LPIN1: variants seen among roughly 807,000 people sequenced by gnomAD.
The protein encoded by LPIN1 is phosphatidate phosphatase LPIN1.
LPIN1 carries 71 observed loss-of-function variants against 107.5 expected under a neutral mutation model. The ratio of observed to expected loss-of-function variants is 0.66; its 90% CI spans 0.55 to 0.80. The LOEUF is 0.80. LPIN1 is among the 30% of genes least tolerant of loss of function. The pLI is 0.00. For synonymous variants in LPIN1, 445 were observed against 452.6 expected, an observed-to-expected ratio of 0.98 and a Z score of 0.21; for missense variants, 1,043 against 1,160.6, an observed-to-expected ratio of 0.90 and a Z score of 1.47.
intron 1 of LPIN1, among the ~76,000 whole-genome samples, chr2:11,758,547 G>A (rs1669029946): frequency 6.6e-6 from 1 of 152,058 alleles, no homozygotes; most frequent in African/African-American, 2.4e-5. Flanking sequence ...TGTAGATGTT[G>A]AGTTCCTAGG....
chr2:11,693,903 C>T lies in LPIN1; in HGVS notation c.81+16175C>T, dbSNP rs188987727. Among the ~76,000 whole-genome samples the T allele has an allele frequency of 2.1e-4, 29 of 135,196 alleles. No individual in the cohort carries two copies. The East Asian group carries it at 2.4e-3, about 11-fold the overall frequency. The allele number at this position is 135,196 out of a possible 152,430, so 88.7% of individuals were successfully genotyped here. A position where few individuals can be genotyped will look rare whatever the true frequency, so the allele number is the denominator to read the frequency against. On this transcript the variant is annotated intron_variant, in intron 1 of 21. Transcript: ENST00000449576. Reference sequence around the variant, plus strand: ...AGGCTGGAGTGCAATAGCAAGATCCCGGCTCACTGGAACTTCCGCCTCCTG... The same window carrying T: ...AGGCTGGAGTGCAATAGCAAGATCCTGGCTCACTGGAACTTCCGCCTCCTG...
chr2:11,719,360 C>T (rs1663964648), upstream of LPIN1, among the ~76,000 whole-genome samples: 1 of 152,164 alleles, frequency 6.6e-6, no homozygotes, highest in African/African-American at 2.4e-5. Context: ...AATAAAAAGT[C>T]CAGGAGCTGG....
At chr2:11,812,484 C>T (rs546428850) in intron 17 of LPIN1, among the ~76,000 whole-genome samples, 2 of 152,172 alleles carry the variant, frequency 1.3e-5, no homozygotes, top group African/African-American at 4.8e-5. Flanking sequence ...AGGTGAGATC[C>T]AGCAGAGACC....
intron 1 of LPIN1, chr2:11,677,776 C>T (rs905030041): frequency 2.1e-6 from 3 of 1,455,608 alleles, no homozygotes; most frequent in African/African-American, 1.4e-5. Context: ...CCTGCTCTTC[C>T]TCCTTCCATC....
In LPIN1 at chr2:11,726,622, G is replaced by A. The variant is rs547361332; in HGVS notation, c.-72+2083G>A. ...CCCTCCTCCCCCTCCCAAACTCCTC[G>A]AGCCTCTGGGACTTTAGCAATCATG... On this transcript the variant is annotated intron_variant, in intron 1 of 21. Coordinates refer to the LPIN1 transcript ENST00000396097. Among the ~76,000 whole-genome samples, 4 of 151,746 alleles carry A rather than the reference G, an allele frequency of 2.6e-5. No individual in the cohort carries two copies. In the South Asian group the frequency reaches 6.3e-4, roughly 24 times the overall value.
chr2:11,705,173 T>G (rs1459962034), intron 1 of LPIN1, among the ~76,000 whole-genome samples: 10 of 152,250 alleles, frequency 6.6e-5, no homozygotes, highest in South Asian at 2.1e-4. Context: ...TGGTGTGGTG[T>G]TGTGGCTTTG....
At position 11,826,140 on chromosome 2, in the gene LPIN1, TAA is replaced by T. The variant is rs1484262603; in HGVS notation, c.*1351_*1352del. The stretch of plus-strand genomic sequence containing the variant: ...TTTACTTTTCGAAGCATTATTTTTT[TAA>T]AGAGTGTTTTACTCCAACGATTGAA... On this transcript the variant is annotated 3_prime_UTR_variant, in exon 21 of 21. Coordinates refer to ENST00000674199, the MANE Select transcript of LPIN1 (RefSeq NM_001349206.2). The T allele has an allele frequency of 1.3e-5, 2 of 152,786 alleles. No individual in the cohort carries two copies. The highest frequency in any genetic ancestry group is 2.1e-4 in the South Asian group (1 of 4,830). The allele number at this position is 152,786 out of a possible 1,614,324, so 9.5% of individuals were successfully genotyped here.
rs1466810154 is a variant in LPIN1 at position 11,697,932 on chromosome 2, G to A, written c.82-15824G>A. Among the ~76,000 whole-genome samples, 2 of 152,146 alleles carry A rather than the reference G, an allele frequency of 1.3e-5. No homozygotes were observed. The highest frequency in any genetic ancestry group is 2.9e-5 in the Non-Finnish European group (2 of 68,026). Reference sequence around the variant, plus strand: ...CAAGCCAGACTAGTCACGCACCCCCGGCTGTGGGTGGCTTCCTGACCCAGA... The same window carrying A: ...CAAGCCAGACTAGTCACGCACCCCCAGCTGTGGGTGGCTTCCTGACCCAGA... On this transcript the variant is annotated intron_variant, in intron 1 of 21. Coordinates refer to the LPIN1 transcript ENST00000449576. The surrounding 1 kb of genome is among the most constrained non-coding windows in gnomAD (Gnocchi z 4.6).
chr2:11,679,753 C>A (rs1322783817), intron 1 of LPIN1, among the ~76,000 whole-genome samples: 1 of 152,252 alleles, frequency 6.6e-6, no homozygotes, highest in African/African-American at 2.4e-5. Flanking sequence ...GTGCCCATGG[C>A]CTTTTGCCTT....
intron 17 of LPIN1, among the ~76,000 whole-genome samples, chr2:11,810,327 C>T (rs747286733): frequency 3.9e-5 from 6 of 152,098 alleles, no homozygotes; most frequent in Non-Finnish European, 7.4e-5. Flanking sequence ...AGCTGAGTCT[C>T]CATGGAGGAG....
At chr2:11,695,319 G>A (rs2148511173) in intron 1 of LPIN1, among the ~76,000 whole-genome samples, 1 of 152,326 alleles carries the variant, frequency 6.6e-6, no homozygotes, top group African/African-American at 2.4e-5. Flanking sequence ...CAGGGATTCG[G>A]ACAGGGAAGG....
chr2:11,770,075 T>G (rs1671600550), intron 3 of LPIN1, among the ~76,000 whole-genome samples: 1 of 152,248 alleles, frequency 6.6e-6, no homozygotes, highest in African/African-American at 2.4e-5. Flanking sequence ...CCAAAAATAC[T>G]AATTGGTTCC....
In LPIN1 at chr2:11,755,756, C is replaced by T. The variant is rs562834629; in HGVS notation, c.-10+9085C>T. Among the ~76,000 whole-genome samples the T allele has an allele frequency of 3.3e-5, 5 of 150,520 alleles. No individual in the cohort carries two copies. In the South Asian group the frequency reaches 1.1e-3, roughly 32 times the overall value. On this transcript the variant is annotated intron_variant, in intron 1 of 20. Transcript: ENST00000674199. ...TTTTTTTTTGAGACAGAGTCTCGCT[C>T]TGTCGCCCAAGCTGGAGTTCAGTGG...
intron 1 of LPIN1, among the ~76,000 whole-genome samples, chr2:11,756,688 GC>G (rs1668744682): frequency 6.6e-6 from 1 of 152,102 alleles, no homozygotes; most frequent in South Asian, 2.1e-4. Context: ...TGAGTGCCCG[GC>G]CCCTATATTT....
chr2:11,685,224 T>G (rs1179208324), intron 1 of LPIN1, among the ~76,000 whole-genome samples: 1 of 152,058 alleles, frequency 6.6e-6, no homozygotes, highest in Non-Finnish European at 1.5e-5. Context: ...CTTGGCAGGT[T>G]TGAGGAATGC....
At chr2:11,701,280 T>C (rs1447653299) in intron 1 of LPIN1, among the ~76,000 whole-genome samples, 1 of 152,228 alleles carries the variant, frequency 6.6e-6, no homozygotes, top group East Asian at 1.9e-4. Context: ...AGTTTCTGCA[T>C]CTGTTTTTCC....
chr2:11,710,110 A>G (rs539221803), intron 1 of LPIN1, among the ~76,000 whole-genome samples: 1 of 152,320 alleles, frequency 6.6e-6, no homozygotes, highest in South Asian at 2.1e-4. Flanking sequence ...CTTACATAGC[A>G]GAGTGAGATT....
At chr2:11,777,153 TTG>T (rs1553429761) in intron 6 of LPIN1, 3 of 152,200 alleles carry the variant, frequency 2.0e-5, no homozygotes, top group African/African-American at 7.2e-5. Context: ...ACGGAGCACT[TTG>T]GAGTCATCTT....
chr2:11,789,143 C>T (rs541295397), intron 12 of LPIN1, among the ~76,000 whole-genome samples: 28 of 152,334 alleles, frequency 1.8e-4, no homozygotes, highest in Admixed American at 6.5e-4. Context: ...TGTTTGTATC[C>T]TTTGTGCGCT....
Sources: gnomAD v4.1 joint callset for allele counts (sites outside exome capture counted in the v4.1 genomes callset) on GRCh38, gnomAD v4.1.1 for gene constraint, Gnocchi (gnomAD v3.1) non-coding constraint, MANE v1.5 for transcripts, NCBI Gene and HGNC (gene_info 2026-07-23, HGNC 2026-07-21) for gene names.